Variants in SON observed in about 807,000 individuals in gnomAD.
SON encodes SON DNA and RNA binding protein, also known as protein SON.
Under a neutral mutation model 173.3 loss-of-function variants are expected in SON, and 4 were observed. The observed-to-expected ratio is 0.02, with a 90% CI of 0.01 to 0.05. The LOEUF is 0.05. Ranked by LOEUF, SON falls within the 10% of genes least tolerant of loss-of-function variation. SON has a pLI of 1.00. For missense variants in SON, 2,626 were observed against 3,055.3 expected, an observed-to-expected ratio of 0.86 and a Z score of 3.31; for synonymous variants, 1,190 against 1,105.9, an observed-to-expected ratio of 1.08 and a Z score of -1.51.
chr21:33,561,001 T>C (rs568736532), intron 6 of SON: 6 of 152,350 alleles, frequency 3.9e-5, no homozygotes, highest in South Asian at 2.1e-4. Context: ...CAGAAACTTT[T>C]TGATAGCAGT....
chr21:33,555,445 A>AT (rs34040109), intron 3 of SON, 54 bp downstream of exon 3: 372,935 of 1,419,158 alleles, frequency 0.26, 51,892 homozygotes, highest in Non-Finnish European at 0.28. Flanking sequence ...TTAAACCTTA[A>AT]TTTTTTTCTG....
intron 9 of SON, among the ~76,000 whole-genome samples, chr21:33,573,870 C>G (rs553933196): frequency 0.3 from 84 of 276 alleles, no homozygotes; most frequent in African/African-American, 0.42. Context: ...TATTACAATA[C>G]TGGTTTAGTC....
Position 33,555,111 on chromosome 21 carries a change from C to A in SON, c.5880C>A (p.Pro1960=), listed in dbSNP as rs1416356045. The change falls in exon 3 of 12, where the codon CCC becomes CCA. Residue 1960 remains proline (P), a synonymous_variant. Transcript: ENST00000356577. ...CCCCAAGCCGCCGCAGCCGCACCCCCAGCCGCCGCAGCCGCACCCCCAGCC... is the reference window on the plus strand; with the variant it reads ...CCCCAAGCCGCCGCAGCCGCACCCCAAGCCGCCGCAGCCGCACCCCCAGCC... ...SISPSRRSRT[P]SRRSRTPSRR... 1.4e-6 allele frequency: 2 copies of A among 1,459,902 alleles called. No homozygotes were observed. Among genetic ancestry groups the A allele is most frequent in the Non-Finnish European group, 9.1e-7 (1 of 1,097,172 alleles). 90.4% of individuals were successfully genotyped at this position (1,459,902 alleles called of 1,614,324 possible). A position where few individuals can be genotyped will look rare whatever the true frequency, so the allele number is the denominator to read the frequency against.
At chr21:33,564,998 G>A (rs2086141187) in intron 6 of SON, among the ~76,000 whole-genome samples, 1 of 151,788 alleles carries the variant, frequency 6.6e-6, no homozygotes, top group South Asian at 2.1e-4. Flanking sequence ...AAACATAGTT[G>A]TAATTTTATT....
At chr21:33,544,679 T>C (rs1053950697) in intron 1 of SON, among the ~76,000 whole-genome samples, 7 of 152,208 alleles carry the variant, frequency 4.6e-5, no homozygotes, top group African/African-American at 1.2e-4. Context: ...TAGAATCCCA[T>C]TGTAGGAATA....
chr21:33,568,755 CTG>C (rs1343732258), intron 7 of SON, among the ~76,000 whole-genome samples: 6 of 152,122 alleles, frequency 3.9e-5, no homozygotes, highest in African/African-American at 1.4e-4. Context: ...TTTTTAGTAG[CTG>C]TGCTTTTAGA....
At chr21:33,567,417 A>G (rs576936863) in intron 7 of SON, 150 bp downstream of exon 7, 1 of 610,608 alleles carries the variant, frequency 1.6e-6, no homozygotes, top group African/African-American at 1.8e-5. Flanking sequence ...ATTTTAAATG[A>G]AAGTGATTCG....
At chr21:33,572,106 A>C (rs992303366) in intron 8 of SON, 1 of 151,602 alleles carries the variant, frequency 6.6e-6, no homozygotes, top group Non-Finnish European at 1.5e-5. Context: ...GGAGATGTGC[A>C]TACTATTTCC....
At position 33,554,724 on chromosome 21, in the gene SON, T is replaced by C. The variant is rs1303825481; in HGVS notation, c.5493T>C (p.Ser1831=). 2 of 1,613,898 alleles carry C rather than the reference T, an allele frequency of 1.2e-6. No homozygotes were observed. Among genetic ancestry groups the C allele is most frequent in the Admixed American group, 1.7e-5 (1 of 60,014 alleles). ...GATCTCGAAGTAAGCGTTCCAAATC[T>C]TCTGAACACAAATCACGCAAGCGTA... ...SLRSRSKRSK[S]SEHKSRKRTS... Residue 1831 remains serine, a synonymous_variant, in exon 3 of 12, where the codon TCT becomes TCC. Transcript: ENST00000356577.
intron 1 of SON, chr21:33,543,612 A>G (rs2085526927): frequency 4.5e-6 from 1 of 223,612 alleles, no homozygotes; most frequent in Non-Finnish European, 9.2e-6. Flanking sequence ...TTCTTGGTTA[A>G]TCTTAAATCC....
chr21:33,554,044 G>A lies in SON; in HGVS notation c.4813G>A (p.Ala1605Thr), dbSNP rs542025546. Residue 1605 changes from alanine to threonine, a missense_variant, in exon 3 of 12, where the codon GCA becomes ACA. Ala to Thr is a moderately conservative substitution (Grantham distance 58). Transcript: ENST00000356577. Reference protein sequence around the residue: ...STGPFALEPDATGTSKGIEFT... With the variant: ...STGPFALEPDTTGTSKGIEFT... ...TGGTCCTTTTGCTCTGGAACCTGAT[G>A]CAACAGGAACTAGTAAGGGTATTGA... The A allele has an allele frequency of 6.2e-7, 1 of 1,614,082 alleles. No individual in the cohort carries two copies. The highest frequency in any genetic ancestry group is 2.2e-5 in the East Asian group (1 of 44,874).
At chr21:33,557,135 C>T (rs774489298) in intron 3 of SON, 21 bp from the exon 4 acceptor site, 7 of 1,596,678 alleles carry the variant, frequency 4.4e-6, no homozygotes, top group Middle Eastern at 2.3e-4. Flanking sequence ...AAAACTGCAG[C>T]TTGTATTTTT....
chr21:33,564,636 G>A (rs1349258509), intron 6 of SON, among the ~76,000 whole-genome samples: 7 of 152,120 alleles, frequency 4.6e-5, no homozygotes, highest in Admixed American at 3.9e-4. Context: ...CAAGGCGGGC[G>A]GATCACCTGA....
At chr21:33,545,321 TC>T (rs1165128294) in intron 1 of SON, among the ~76,000 whole-genome samples, 1 of 152,206 alleles carries the variant, frequency 6.6e-6, no homozygotes, top group Non-Finnish European at 1.5e-5. Flanking sequence ...AGCCAGATGT[TC>T]CTTAATAATA....
At chr21:33,547,838 C>T (rs1569049142) in intron 2 of SON, among the ~76,000 whole-genome samples, 1 of 150,854 alleles carries the variant, frequency 6.6e-6, no homozygotes, top group African/African-American at 2.4e-5. Flanking sequence ...CCTCAGCCTC[C>T]GGAGTAGCTG....
At chr21:33,562,257 G>T (rs1414622135) in intron 6 of SON, among the ~76,000 whole-genome samples, 1 of 152,100 alleles carries the variant, frequency 6.6e-6, no homozygotes, top group Non-Finnish European at 1.5e-5. Flanking sequence ...AATACTTTTG[G>T]TAACACTTCG....
intron 9 of SON, among the ~76,000 whole-genome samples, chr21:33,574,011 G>C (rs2086345439): frequency 6.6e-6 from 1 of 152,202 alleles, no homozygotes; most frequent in Non-Finnish European, 1.5e-5. Flanking sequence ...TCTTGGAACT[G>C]TTAGCATTGA....
At chr21:33,572,618 T>A in intron 8 of SON, 2 of 1,302,806 alleles carry the variant, frequency 1.5e-6, no homozygotes, top group South Asian at 2.5e-5. Flanking sequence ...ACACTGCTGC[T>A]ACCGAGGCCT....
At position 33,576,358 on chromosome 21, in the gene SON, T is replaced by C. The variant is rs1341772742; in HGVS notation, c.7222-7T>C. 1 of 1,235,632 alleles carries C rather than the reference T, an allele frequency of 8.1e-7. No individual in the cohort carries two copies. The highest frequency in any genetic ancestry group is 1.2e-6 in the Non-Finnish European group (1 of 834,390). 76.5% of individuals were successfully genotyped at this position (1,235,632 alleles called of 1,614,324 possible). On this transcript the variant is annotated splice_region_variant and splice_polypyrimidine_tract_variant and intron_variant, in intron 11 of 11. Transcript: ENST00000356577. ...TGCTGTTCTTATTGTATGTTTTTCT[T>C]GAATAGGTATTGAGAAATGGAGCCC... is the stretch of plus-strand genomic sequence containing the variant.
Sources: gnomAD v4.1 joint callset for allele counts (sites outside exome capture counted in the v4.1 genomes callset) on GRCh38, gnomAD v4.1.1 for gene constraint, MANE v1.5 for transcripts, NCBI Gene and HGNC (gene_info 2026-07-23, HGNC 2026-07-21) for gene names.